The following MPPED2 variants were observed in gnomAD, a reference collection of about 807,000 sequenced individuals.
MPPED2 encodes the protein metallophosphoesterase MPPED2.
MPPED2 carries 5 observed loss-of-function variants against 33.0 expected under a neutral mutation model. The observed-to-expected ratio is 0.15, with a 90% CI of 0.08 to 0.32. MPPED2 has a LOEUF of 0.32. Among genes scored for constraint, MPPED2 ranks in the 10% least tolerant of loss-of-function variants. The probability of loss-of-function intolerance (pLI) is 1.00; values close to 1 mark genes in which losing one functional copy is unlikely to be tolerated. For synonymous variants in MPPED2, 136 were observed against 141.9 expected, an observed-to-expected ratio of 0.96 and a Z score of 0.29; for missense variants, 275 against 372.1, an observed-to-expected ratio of 0.74 and a Z score of 2.15.
intron 2 of MPPED2, among the ~76,000 whole-genome samples, chr11:30,558,389 T>G (rs1956084350): frequency 6.6e-6 from 1 of 151,632 alleles, no homozygotes; most frequent in Non-Finnish European, 1.5e-5. Flanking sequence ...CCTTTTTCTT[T>G]CTCTTTCTTT....
At chr11:30,483,230 C>G (rs1456014851) in intron 4 of MPPED2, among the ~76,000 whole-genome samples, 3 of 152,078 alleles carry the variant, frequency 2.0e-5, no homozygotes, top group Non-Finnish European at 2.9e-5. Flanking sequence ...CAGAACTTAT[C>G]TTTTTAAGGG....
intron 4 of MPPED2, among the ~76,000 whole-genome samples, chr11:30,440,491 G>A (rs910567378): frequency 6.6e-6 from 1 of 152,176 alleles, no homozygotes; most frequent in Non-Finnish European, 1.5e-5. Flanking sequence ...GTCCTTTACA[G>A]AAAACATTTG....
chr11:30,429,752 T>C (rs1307801116), intron 4 of MPPED2, among the ~76,000 whole-genome samples: 2 of 152,188 alleles, frequency 1.3e-5, no homozygotes, highest in Non-Finnish European at 2.9e-5. Flanking sequence ...CCCATATCTC[T>C]GCCCATTAAA....
chr11:30,578,412 G>T (rs1957024335), intron 2 of MPPED2, among the ~76,000 whole-genome samples: 1 of 152,166 alleles, frequency 6.6e-6, no homozygotes. Context: ...CAGCTGTCTA[G>T]GTTGCCCCAT....
At chr11:30,516,509 T>C (rs982473528) in intron 3 of MPPED2, among the ~76,000 whole-genome samples, 1 of 152,156 alleles carries the variant, frequency 6.6e-6, no homozygotes, top group African/African-American at 2.4e-5. Context: ...CCAAGGCTGG[T>C]AGCAAGAAGC....
chr11:30,575,573 G>A (rs1462254659), intron 2 of MPPED2, among the ~76,000 whole-genome samples: 2 of 152,138 alleles, frequency 1.3e-5, no homozygotes, highest in African/African-American at 4.8e-5. Context: ...TCATTCCCCA[G>A]CCCAAGCTGT....
chr11:30,563,260 G>A (rs900645770), intron 2 of MPPED2, among the ~76,000 whole-genome samples: 1 of 152,088 alleles, frequency 6.6e-6, no homozygotes, highest in Non-Finnish European at 1.5e-5. Flanking sequence ...TCCACAGATG[G>A]GGGTATGAGG....
At chr11:30,495,738 A>G (rs953716317) in intron 3 of MPPED2, among the ~76,000 whole-genome samples, 4 of 152,204 alleles carry the variant, frequency 2.6e-5, no homozygotes. Context: ...AAACGTTGCT[A>G]AAAAGACATT....
At chr11:30,431,918 T>G (rs923653067) in intron 4 of MPPED2, among the ~76,000 whole-genome samples, 2 of 152,204 alleles carry the variant, frequency 1.3e-5, no homozygotes, top group African/African-American at 4.8e-5. Flanking sequence ...CTCACGCCTG[T>G]AATTCCAGCA....
intron 4 of MPPED2, among the ~76,000 whole-genome samples, chr11:30,459,967 C>A (rs113079538): frequency 6.6e-6 from 1 of 152,256 alleles, no homozygotes; most frequent in African/African-American, 2.4e-5. Context: ...TGAGAGTCAG[C>A]CTGGCGTCTG....
In MPPED2 at chr11:30,495,333, C is replaced by A. The variant is rs1351279937; in HGVS notation, c.499G>T (p.Val167Leu). Residue 167 changes from valine to leucine, a missense_variant, in exon 4 of 7, where the codon GTA (valine) becomes TTA (leucine). Physicochemically the swap from Val to Leu is conservative, Grantham distance 32 (BLOSUM62 1). Transcript: ENST00000358117. Reference sequence around the variant, plus strand: ...TATATCCTGAATCCCTTCACTGTTACCTCCGAATCTTGTAAGTAAATACTG... The same window carrying A: ...TATATCCTGAATCCCTTCACTGTTAACTCCGAATCTTGTAAGTAAATACTG... ...TNSIYLQDSE[V>L]TVKGFRIYGA... is the part of the protein sequence containing the mutation. 2 of 1,614,022 alleles carry A rather than the reference C, an allele frequency of 1.2e-6. No homozygotes were observed.
chr11:30,568,721 A>G (rs1270357415), intron 2 of MPPED2, among the ~76,000 whole-genome samples: 3 of 152,216 alleles, frequency 2.0e-5, no homozygotes, highest in Non-Finnish European at 4.4e-5. Flanking sequence ...TGGGATAAAA[A>G]GCAAAACCCC....
Position 30,586,150 on chromosome 11 carries a change from G to C in MPPED2, c.-230C>G, listed in dbSNP as rs1258462906. 1 of 152,578 alleles carries C rather than the reference G, an allele frequency of 6.6e-6. No homozygotes were observed. Among genetic ancestry groups the C allele is most frequent in the African/African-American group, 2.4e-5 (1 of 41,442 alleles). The allele number at this position is 152,578 out of a possible 1,614,324, so 9.5% of individuals were successfully genotyped here. Reference sequence around the variant, plus strand: ...CTGGAGGAGCGCTGGGGGCGCGCGGGGGCGGCGAGGGGCGCGAGCGGGCCA... The same window carrying C: ...CTGGAGGAGCGCTGGGGGCGCGCGGCGGCGGCGAGGGGCGCGAGCGGGCCA... On this transcript the variant is annotated 5_prime_UTR_variant, in exon 1 of 7. Transcript: ENST00000358117. The surrounding 1 kb of genome is among the most constrained non-coding windows in gnomAD (Gnocchi z 4.8).
intron 4 of MPPED2, among the ~76,000 whole-genome samples, chr11:30,445,134 A>G (rs953905869): frequency 6.6e-6 from 1 of 152,186 alleles, no homozygotes; most frequent in Non-Finnish European, 1.5e-5. Context: ...ACCTGTGACA[A>G]AGAAAAAAAA....
intron 2 of MPPED2, among the ~76,000 whole-genome samples, chr11:30,566,490 T>G (rs1341376237): frequency 6.6e-6 from 1 of 152,142 alleles, no homozygotes; most frequent in Non-Finnish European, 1.5e-5. Context: ...AGCTCCATCC[T>G]GAAAAAAACA....
chr11:30,567,427 A>C (rs1590886817), intron 2 of MPPED2, among the ~76,000 whole-genome samples: 1 of 152,090 alleles, frequency 6.6e-6, no homozygotes, highest in Non-Finnish European at 1.5e-5. Flanking sequence ...CAGAGTTTTA[A>C]TGTCTCCTAA....
At chr11:30,462,470 G>T (rs952762384) in intron 4 of MPPED2, among the ~76,000 whole-genome samples, 1 of 152,122 alleles carries the variant, frequency 6.6e-6, no homozygotes, top group African/African-American at 2.4e-5. Flanking sequence ...ATAATATGAA[G>T]ATACCAAGAG....
At chr11:30,402,946 C>G (rs1286117798) in intron 6 of MPPED2, among the ~76,000 whole-genome samples, 5 of 152,064 alleles carry the variant, frequency 3.3e-5, no homozygotes, top group Non-Finnish European at 1.5e-5. Flanking sequence ...GTTATTCAGC[C>G]CATTAGAAAA....
intron 2 of MPPED2, among the ~76,000 whole-genome samples, chr11:30,540,371 C>CTTAA (rs1554996232): frequency 6.6e-6 from 1 of 152,174 alleles, no homozygotes. Flanking sequence ...AAGCAAGGGG[C>CTTAA]TTAACCCTTG....
Sources: allele counts gnomAD v4.1 joint callset (sites outside exome capture counted in the v4.1 genomes callset), GRCh38; gene constraint gnomAD v4.1.1; non-coding constraint Gnocchi (gnomAD v3.1); transcripts MANE v1.5; gene names NCBI Gene and HGNC (gene_info 2026-07-23, HGNC 2026-07-21).